Variants in KCNIP4 observed in about 807,000 individuals in gnomAD.
KCNIP4 encodes potassium voltage-gated channel interacting protein 4, also known as Kv channel-interacting protein 4.
KCNIP4 carries 12 observed loss-of-function variants against 34.0 expected under a neutral mutation model. The ratio of observed to expected loss-of-function variants is 0.35; its 90% CI spans 0.23 to 0.57. The LOEUF (loss-of-function observed/expected upper bound fraction) is 0.57, where lower values mean the gene tolerates loss of function less well. Among genes scored for constraint, KCNIP4 ranks in the 20% least tolerant of loss-of-function variants. The pLI, the probability that KCNIP4 is intolerant of heterozygous loss-of-function variation, is 0.83. For synonymous variants in KCNIP4, 124 were observed against 102.2 expected, an observed-to-expected ratio of 1.21 and a Z score of -1.29; for missense variants, 238 against 311.7, an observed-to-expected ratio of 0.76 and a Z score of 1.78.
intron 1 of KCNIP4, among the ~76,000 whole-genome samples, chr4:21,401,289 T>C (rs961713576): frequency 3.3e-5 from 5 of 152,230 alleles, no homozygotes; most frequent in African/African-American, 9.6e-5. Context: ...TCCATCAGTC[T>C]AGAATAATCT....
rs548726169 is a variant in KCNIP4 at position 21,548,412 on chromosome 4, C to G, written c.61+400159G>C. ...GACCACTGGGATGGGAAGAACACTT[C>G]CAATGCACTACTGAAAACAATGTAA... On this transcript the variant is annotated intron_variant, in intron 1 of 8. Coordinates refer to ENST00000382152, the MANE Select transcript of KCNIP4 (RefSeq NM_025221.6). Among the ~76,000 whole-genome samples the G allele has an allele frequency of 2.0e-5, 3 of 152,132 alleles. No homozygotes were observed. In the East Asian group the frequency reaches 5.8e-4, roughly 29 times the overall value.
At chr4:21,045,720 T>C (rs1742371468) in intron 1 of KCNIP4, among the ~76,000 whole-genome samples, 1 of 152,126 alleles carries the variant, frequency 6.6e-6, no homozygotes, top group Non-Finnish European at 1.5e-5. Flanking sequence ...GAAAATTGAA[T>C]CATGGAAAAA....
At chr4:21,295,921 A>T (rs1301678541) in intron 1 of KCNIP4, among the ~76,000 whole-genome samples, 1 of 64,616 alleles carries the variant, frequency 1.5e-5, no homozygotes, top group African/African-American at 4.2e-5. Context: ...GCAGTTAGTG[A>T]ATGAATGAAT....
At chr4:21,637,075 G>A (rs1746235983) in intron 1 of KCNIP4, among the ~76,000 whole-genome samples, 1 of 152,068 alleles carries the variant, frequency 6.6e-6, no homozygotes, top group Non-Finnish European at 1.5e-5. Flanking sequence ...ATTGGTTCCG[G>A]GACCTCCTTG....
intron 1 of KCNIP4, among the ~76,000 whole-genome samples, chr4:21,233,937 TA>T (rs1758996627): frequency 1.6e-5 from 2 of 127,550 alleles, no homozygotes; most frequent in Admixed American, 1.7e-4. Context: ...TTATATTATA[TA>T]AATATTACAT....
intron 1 of KCNIP4, among the ~76,000 whole-genome samples, chr4:21,187,196 C>G (rs1478327354): frequency 6.6e-6 from 1 of 152,086 alleles, no homozygotes; most frequent in African/African-American, 2.4e-5. Context: ...GGCTATGGTC[C>G]ATTTCTGACA....
rs11384657 is a variant in KCNIP4, at chr4:21,129,889, TA to T, written c.62-247181del. ...GTAACCAGTGTTGAAGCAGAAATGTTAAAAAAAAAAACAGTGTGAATGTAAA... is the reference window on the plus strand; with the variant it reads ...GTAACCAGTGTTGAAGCAGAAATGTTAAAAAAAAAACAGTGTGAATGTAAA... On this transcript the variant is annotated intron_variant, in intron 1 of 8. Transcript: ENST00000382152. 8.5e-3 allele frequency among the ~76,000 whole-genome samples: 1,270 copies of T among 149,474 alleles called. 42 individuals carry two copies. Among genetic ancestry groups the T allele is most frequent in the Admixed American group, 0.063 (950 of 15,006 alleles).
At chr4:21,642,827 CTCT>C (rs937815608) in intron 1 of KCNIP4, among the ~76,000 whole-genome samples, 73 of 152,158 alleles carry the variant, frequency 4.8e-4, no homozygotes, top group African/African-American at 1.7e-3. Flanking sequence ...TGACCTGGTA[CTCT>C]ACAATGGAAA....
chr4:21,525,430 A>C (rs1035969102), intron 1 of KCNIP4, among the ~76,000 whole-genome samples: 2 of 152,148 alleles, frequency 1.3e-5, no homozygotes, highest in African/African-American at 4.8e-5. Context: ...TCAAATGTGA[A>C]GAGGAGTAGA....
At chr4:21,501,895 CTCT>C (rs1733386752) in intron 1 of KCNIP4, among the ~76,000 whole-genome samples, 1 of 145,074 alleles carries the variant, frequency 6.9e-6, no homozygotes, top group African/African-American at 2.5e-5. Flanking sequence ...TTCTCTCTCT[CTCT>C]ATCTCTCCAT....
intron 1 of KCNIP4, among the ~76,000 whole-genome samples, chr4:21,336,485 T>C (rs1200913519): frequency 2.0e-5 from 3 of 152,140 alleles, no homozygotes; most frequent in Non-Finnish European, 4.4e-5. Context: ...GGTATAAAGC[T>C]CCCATTTGTG....
At chr4:21,232,329 T>C (rs574029041) in intron 1 of KCNIP4, among the ~76,000 whole-genome samples, 1 of 152,284 alleles carries the variant, frequency 6.6e-6, no homozygotes, top group Non-Finnish European at 1.5e-5. Flanking sequence ...CAAAACATTT[T>C]AATCTACCTA....
intron 1 of KCNIP4, among the ~76,000 whole-genome samples, chr4:21,649,715 C>T (rs376364414): frequency 1.3e-5 from 2 of 152,296 alleles, no homozygotes; most frequent in East Asian, 3.9e-4. Context: ...ATAAAGATAG[C>T]ACTTTTTAAC....
At chr4:21,820,831 C>G (rs963255601) in intron 1 of KCNIP4, among the ~76,000 whole-genome samples, 10 of 152,208 alleles carry the variant, frequency 6.6e-5, no homozygotes, top group African/African-American at 1.9e-4. Context: ...GCAAAGAAAC[C>G]CATCAGAAAA....
intron 1 of KCNIP4, among the ~76,000 whole-genome samples, chr4:21,839,151 GT>G (rs542213861): frequency 6.6e-6 from 1 of 152,184 alleles, no homozygotes; most frequent in East Asian, 1.9e-4. Flanking sequence ...ATATTTAAAA[GT>G]TTTTTAGCAT....
At chr4:20,952,864 G>A (rs182383312) in intron 1 of KCNIP4, among the ~76,000 whole-genome samples, 1 of 152,340 alleles carries the variant, frequency 6.6e-6, no homozygotes, top group African/African-American at 2.4e-5. Context: ...CTAAGATCAA[G>A]TGCTGGGAGA....
At chr4:21,068,913 G>T (rs1196734995) in intron 1 of KCNIP4, among the ~76,000 whole-genome samples, 1 of 152,182 alleles carries the variant, frequency 6.6e-6, no homozygotes, top group African/African-American at 2.4e-5. Flanking sequence ...ATGTGTTATT[G>T]TATATGAAGC....
chr4:21,024,974 T>C (rs1433909204), intron 1 of KCNIP4, among the ~76,000 whole-genome samples: 1 of 152,210 alleles, frequency 6.6e-6, no homozygotes, highest in Non-Finnish European at 1.5e-5. Context: ...ATGTAATATG[T>C]TTATTTGTTT....
intron 3 of KCNIP4, among the ~76,000 whole-genome samples, chr4:20,780,464 A>C (rs1756776166): frequency 6.6e-6 from 1 of 152,212 alleles, no homozygotes. Flanking sequence ...GTCTGGAATG[A>C]GTATGATACA....
Sources: gnomAD v4.1 joint callset for allele counts (sites outside exome capture counted in the v4.1 genomes callset) on GRCh38, gnomAD v4.1.1 for gene constraint, MANE v1.5 for transcripts, NCBI Gene and HGNC (gene_info 2026-07-23, HGNC 2026-07-21) for gene names.